The following CLEC3A variants were observed in gnomAD, a reference collection of about 807,000 sequenced individuals.
CLEC3A encodes the protein C-type lectin domain family 3 member A, also known as C-type (calcium dependent, carbohydrate-recognition domain) lectin, superfamily member 1 (cartilage-derived).
A neutral mutation model predicts 20.4 loss-of-function variants in CLEC3A; 28 were observed. The ratio of observed to expected loss-of-function variants is 1.37; its 90% confidence interval spans 1.02 to 1.88. The LOEUF is 1.88. CLEC3A is among the 40% of genes most tolerant of loss of function. CLEC3A has a pLI of 0.00. For missense variants in CLEC3A, 357 were observed against 240.4 expected (o/e 1.48, Z -3.21); for synonymous variants, 110 against 88.1 (o/e 1.25, Z -1.39).
At position 78,022,703 on chromosome 16, in the gene CLEC3A, G is replaced by T; in HGVS notation, c.77G>T (p.Arg26Ile). Residue 26 changes from arginine (R) to isoleucine (I), a missense_variant, in exon 1 of 3, where the codon AGA becomes ATA. Physicochemically the swap from Arg to Ile is moderately conservative, Grantham distance 97. Coordinates refer to ENST00000299642, the MANE Select transcript of CLEC3A (RefSeq NM_005752.6). ...LLDQTTSHTS[R>I]LKARKHSKRR... ...GACCAGACCACCAGCCACACATCCA[G>T]ATTAAAAGCCAGGAAGCACAGCAAA... 1.2e-6 allele frequency: 2 copies of T among 1,614,134 alleles called. No individual in the cohort carries two copies. The highest frequency in any genetic ancestry group is 1.3e-5 in the African/African-American group (1 of 75,034).
At chr16:78,025,859 G>A (rs1035893087) in intron 1 of CLEC3A, among the ~76,000 whole-genome samples, 6 of 151,936 alleles carry the variant, frequency 3.9e-5, no homozygotes, top group Non-Finnish European at 7.3e-5. Context: ...CCATCTCCCA[G>A]GAGCCTAATA....
At chr16:78,027,457 G>C (rs958196841) in intron 1 of CLEC3A, among the ~76,000 whole-genome samples, 3 of 152,174 alleles carry the variant, frequency 2.0e-5, no homozygotes, top group African/African-American at 7.2e-5. Flanking sequence ...GGGAAGATGA[G>C]ATTGAGCTCA....
Position 78,022,618 on chromosome 16 carries a change from C to T in CLEC3A, c.-9C>T. The T allele has an allele frequency of 6.2e-7, 1 of 1,613,858 alleles. No homozygotes were observed. The highest frequency in any genetic ancestry group is 1.1e-5 in the South Asian group (1 of 91,026). ...TGGCAACATGGCTCAGCAGGCTTGCCCCAGAGCCATGGCAAAGAATGGACT... is the reference window on the plus strand; with the variant it reads ...TGGCAACATGGCTCAGCAGGCTTGCTCCAGAGCCATGGCAAAGAATGGACT... On this transcript the variant is annotated 5_prime_UTR_variant, in exon 1 of 3. Transcript: ENST00000299642.
At chr16:78,023,484 T>A (rs1054981856) in intron 1 of CLEC3A, among the ~76,000 whole-genome samples, 3 of 152,152 alleles carry the variant, frequency 2.0e-5, no homozygotes, top group African/African-American at 7.2e-5. Flanking sequence ...TGCAATACGT[T>A]GAAACCTAAG....
At chr16:78,027,972 A>T (rs957790387) in intron 1 of CLEC3A, 135 bp from the exon 2 acceptor site, 5 of 703,058 alleles carry the variant, frequency 7.1e-6, no homozygotes, top group African/African-American at 5.5e-5. Flanking sequence ...ATTTTCACGC[A>T]TTATTTTTTG....
chr16:78,029,094 C>T (rs1398716113), intron 2 of CLEC3A: 6 of 454,930 alleles, frequency 1.3e-5, no homozygotes, highest in Non-Finnish European at 2.6e-5. Flanking sequence ...CCTCCAGCAA[C>T]TTAAGCTATT....
rs1653856656 is a variant in CLEC3A at position 78,030,866 on chromosome 16, G to A, written c.*25G>A. The A allele has an allele frequency of 1.3e-6, 2 of 1,577,470 alleles. No individual in the cohort carries two copies. Among genetic ancestry groups the A allele is most frequent in the South Asian group, 1.2e-5 (1 of 85,192 alleles). On this transcript the variant is annotated 3_prime_UTR_variant, in exon 3 of 3. Transcript: ENST00000299642. The stretch of plus-strand genomic sequence containing the variant: ...GGTCTTTCTCCAATGTGTCCTCCAA[G>A]CAAGATTCATCATAACTTATAGGTT...
intron 2 of CLEC3A, chr16:78,029,260 CTT>C (rs1304829439): frequency 2.7e-6 from 1 of 367,516 alleles, no homozygotes; most frequent in African/African-American, 2.1e-5. Context: ...CTAAAACTAT[CTT>C]TATGCTCAGT....
In CLEC3A at chr16:78,022,735, G is replaced by A. The variant is rs754518138; in HGVS notation, c.109G>A (p.Val37Met). The A allele has an allele frequency of 2.9e-5, 47 of 1,614,044 alleles. No individual in the cohort carries two copies. Among genetic ancestry groups the A allele is most frequent in the Non-Finnish European group, 3.9e-5 (46 of 1,180,036 alleles). The change falls in exon 1 of 3, where the codon GTG becomes ATG. Residue 37 changes from valine (V) to methionine (M), a missense_variant. Physicochemically the swap from Val to Met is conservative, Grantham distance 21. Transcript: ENST00000299642. ...AGCCAGGAAGCACAGCAAACGTCGA[G>A]TGAGAGGTAATGGGGCTTCTCAATC... is the stretch of plus-strand genomic sequence containing the variant. ...LKARKHSKRR[V>M]RDKDGDLKTQ...
In CLEC3A at chr16:78,022,582, T is replaced by C. The variant is rs1016633062; in HGVS notation, c.-45T>C. 1.2e-6 allele frequency: 2 copies of C among 1,607,634 alleles called. No homozygotes were observed. Among genetic ancestry groups the C allele is most frequent in the Non-Finnish European group, 1.7e-6 (2 of 1,177,026 alleles). ...CTGTGTAGTCTCCTTCCATAGCTGC[T>C]CTAAGGGGGCTGGCAACATGGCTCA... On this transcript the variant is annotated 5_prime_UTR_variant, in exon 1 of 3. Transcript: ENST00000299642.
Position 78,028,091 on chromosome 16 carries a change from C to A in CLEC3A, c.116-16C>A, listed in dbSNP as rs754276526. On this transcript the variant is annotated splice_polypyrimidine_tract_variant and intron_variant, in intron 1 of 2. Transcript: ENST00000299642. The stretch of plus-strand genomic sequence containing the variant: ...TTTCATCCACCTACCCCATCCCACC[C>A]TAAAATTTTCCCCAGACAAGGATGG... 1 of 1,596,248 alleles carries A rather than the reference C, an allele frequency of 6.3e-7. No individual in the cohort carries two copies. Among genetic ancestry groups the A allele is most frequent in the South Asian group, 1.1e-5 (1 of 89,134 alleles).
At chr16:78,028,323 G>A (rs571773550) in intron 2 of CLEC3A, 133 bp downstream of exon 2, 2 of 575,806 alleles carry the variant, frequency 3.5e-6, no homozygotes, top group African/African-American at 3.9e-5. Flanking sequence ...CCCCAATGCC[G>A]GGAGATGATT....
Position 78,030,615 on chromosome 16 carries a change from C to A in CLEC3A, c.368C>A (p.Pro123Gln). The change falls in exon 3 of 3, where the codon CCA (proline) becomes CAA (glutamine). Residue 123 changes from proline (P) to glutamine (Q), a missense_variant. By Grantham distance (76) the Pro-to-Gln change is moderately conservative. Transcript: ENST00000299642. Reference sequence around the variant, plus strand: ...CAAGACTATGGTAAAAGGAGCCTGCCAGGTGTCAATGACTTTTGGCTGGGC... The same window carrying A: ...CAAGACTATGGTAAAAGGAGCCTGCAAGGTGTCAATGACTTTTGGCTGGGC... ...ALQDYGKRSLPGVNDFWLGIN... is the reference protein window; with the variant it reads ...ALQDYGKRSLQGVNDFWLGIN... 1 of 1,614,086 alleles carries A rather than the reference C, an allele frequency of 6.2e-7. No individual in the cohort carries two copies. The highest frequency in any genetic ancestry group is 2.2e-5 in the East Asian group (1 of 44,868).
In CLEC3A at chr16:78,030,700, C is replaced by T; in HGVS notation, c.453C>T (p.Phe151=). ...FVDVNGIAIS[F]LNWDRAQPNG... ...ACGTCAACGGAATCGCTATCTCCTT[C>T]CTCAACTGGGACCGTGCACAGCCTA... The change falls in exon 3 of 3, where the codon TTC becomes TTT. Residue 151 remains phenylalanine, a synonymous_variant. Transcript: ENST00000299642. 6.2e-7 allele frequency: 1 copy of T among 1,614,166 alleles called. No homozygotes were observed. The highest frequency in any genetic ancestry group is 1.1e-5 in the South Asian group (1 of 91,072).
chr16:78,025,129 T>G (rs978165057), intron 1 of CLEC3A, among the ~76,000 whole-genome samples: 2 of 152,222 alleles, frequency 1.3e-5, no homozygotes, highest in African/African-American at 4.8e-5. Context: ...GTTTTTAAAA[T>G]GCACAATTAA....
Position 78,031,728 on chromosome 16 carries a change from C to T in CLEC3A, c.*887C>T, listed in dbSNP as rs1376040523. 6.6e-6 allele frequency: 1 copy of T among 152,022 alleles called. No individual in the cohort carries two copies. The highest frequency in any genetic ancestry group is 6.6e-5 in the Admixed American group (1 of 15,260). 9.4% of individuals were successfully genotyped at this position (152,022 alleles called of 1,614,324 possible). A position where few individuals can be genotyped will look rare whatever the true frequency, so the allele number is the denominator to read the frequency against. On this transcript the variant is annotated 3_prime_UTR_variant, in exon 3 of 3. Coordinates refer to ENST00000299642, the MANE Select transcript of CLEC3A (RefSeq NM_005752.6). ...TCGTATACTTATTTTTTTTAGCCAT[C>T]ATTATATGTTTAAGTCTATTATGGG...
rs781695916 is a variant in CLEC3A, at chr16:78,022,601, T to G, written c.-26T>G. The G allele has an allele frequency of 1.2e-6, 2 of 1,612,970 alleles. No homozygotes were observed. The highest frequency in any genetic ancestry group is 2.2e-5 in the South Asian group (2 of 90,888). On this transcript the variant is annotated 5_prime_UTR_variant, in exon 1 of 3. An upstream start codon of the reference 5' UTR is lost. Transcript: ENST00000299642. ...AGCTGCTCTAAGGGGGCTGGCAACATGGCTCAGCAGGCTTGCCCCAGAGCC... is the reference window on the plus strand; with the variant it reads ...AGCTGCTCTAAGGGGGCTGGCAACAGGGCTCAGCAGGCTTGCCCCAGAGCC...
At position 78,022,693 on chromosome 16, in the gene CLEC3A, C is replaced by G; in HGVS notation, c.67C>G (p.His23Asp). ...CTTACTCCTGGACCAGACCACCAGC[C>G]ACACATCCAGATTAAAAGCCAGGAA... ...ITLLLDQTTS[H>D]TSRLKARKHS... Residue 23 changes from histidine (H) to aspartate (D), a missense_variant, in exon 1 of 3, where the codon CAC becomes GAC. Coordinates refer to ENST00000299642, the MANE Select transcript of CLEC3A (RefSeq NM_005752.6). The G allele has an allele frequency of 6.2e-7, 1 of 1,614,150 alleles. No individual in the cohort carries two copies. The highest frequency in any genetic ancestry group is 8.5e-7 in the Non-Finnish European group (1 of 1,180,042).
rs551642697 is a variant in CLEC3A at position 78,031,799 on chromosome 16, T to C, written c.*958T>C. On this transcript the variant is annotated 3_prime_UTR_variant, in exon 3 of 3. Coordinates refer to ENST00000299642, the MANE Select transcript of CLEC3A (RefSeq NM_005752.6). ...AAAACTGAATTTAAAGAATGCTATC[T>C]TGGAAAATTGCATACGTCTGTGCAA... The C allele has an allele frequency of 1.3e-5, 2 of 152,312 alleles. No individual in the cohort carries two copies. Among genetic ancestry groups the C allele is most frequent in the East Asian group, 3.9e-4 (2 of 5,172 alleles). 9.4% of individuals were successfully genotyped at this position (152,312 alleles called of 1,614,324 possible).
Sources: gnomAD v4.1 joint callset for allele counts (sites outside exome capture counted in the v4.1 genomes callset) on GRCh38, gnomAD v4.1.1 for gene constraint, MANE v1.5 for transcripts, NCBI Gene and HGNC (gene_info 2026-07-23, HGNC 2026-07-21) for gene names.